The following VSTM1 variants were observed in gnomAD, a reference collection of about 807,000 sequenced individuals.
VSTM1 encodes V-set and transmembrane domain containing 1, also known as V-set and transmembrane domain-containing protein 1.
In VSTM1, 27 loss-of-function variants were observed where a neutral mutation model predicts 33.1. That is an observed-to-expected ratio of 0.82 (90% CI 0.60 to 1.12). VSTM1 has a LOEUF of 1.12. Ranked by LOEUF, VSTM1 falls within the 50% of genes most tolerant of loss-of-function variation. The probability of loss-of-function intolerance (pLI) is 0.00; values close to 1 mark genes in which losing one functional copy is unlikely to be tolerated. For synonymous variants in VSTM1, 115 were observed against 110.3 expected (o/e 1.04, Z -0.27); for missense variants, 304 against 288.9 (o/e 1.05, Z -0.38).
At chr19:54,062,930 A>G (rs649080) in intron 1 of VSTM1, among the ~76,000 whole-genome samples, 144,279 of 152,154 alleles carry the variant, frequency 0.95, 68,557 homozygotes, top group African/African-American at 0.99. Flanking sequence ...TCTATGTAGT[A>G]AAGCCGAGAT....
At chr19:54,058,853 T>A (rs2071243426) in intron 1 of VSTM1, 121 bp from the exon 2 acceptor site, 8 of 421,332 alleles carry the variant, frequency 1.9e-5, no homozygotes, top group Non-Finnish European at 3.2e-5. Context: ...AATGTATATA[T>A]GTATTATATA....
intron 4 of VSTM1, among the ~76,000 whole-genome samples, chr19:54,042,861 CTTT>C (rs565051370): frequency 9.7e-6 from 1 of 103,474 alleles, no homozygotes; most frequent in Non-Finnish European, 2.0e-5. Context: ...TATATACACA[CTTT>C]TTTTTTTTTG....
At chr19:54,053,154 C>T (rs2070937662) in intron 3 of VSTM1, among the ~76,000 whole-genome samples, 1 of 141,252 alleles carries the variant, frequency 7.1e-6, no homozygotes, top group Admixed American at 7.3e-5. Flanking sequence ...TTATGTCCTC[C>T]TTTCTGTGTC....
chr19:54,041,532 ACCT>A (rs1469316745), intron 8 of VSTM1, among the ~76,000 whole-genome samples: 2 of 152,096 alleles, frequency 1.3e-5, no homozygotes, highest in East Asian at 3.9e-4. Flanking sequence ...CGATCTCCTG[ACCT>A]CATGATCCGC....
intron 3 of VSTM1, among the ~76,000 whole-genome samples, chr19:54,051,947 GA>G (rs1423266477): frequency 8.5e-5 from 13 of 152,088 alleles, no homozygotes; most frequent in Admixed American, 2.6e-4. Flanking sequence ...TTTTAGTAGA[GA>G]CAGGGTTTCA....
chr19:54,048,751 G>A (rs72626274), intron 4 of VSTM1, among the ~76,000 whole-genome samples: 9,174 of 152,114 alleles, frequency 0.06, 334 homozygotes, highest in East Asian at 0.11. Context: ...ACCATTACTC[G>A]CTTTAGCCAA....
intron 1 of VSTM1, among the ~76,000 whole-genome samples, chr19:54,060,483 A>T (rs2071341709): frequency 6.6e-6 from 1 of 152,116 alleles, no homozygotes; most frequent in South Asian, 2.1e-4. Context: ...AAGCTTCACC[A>T]CAGAGGAATG....
intron 1 of VSTM1, among the ~76,000 whole-genome samples, chr19:54,060,563 C>G (rs2071344905): frequency 6.6e-6 from 1 of 152,194 alleles, no homozygotes; most frequent in Admixed American, 6.6e-5. Context: ...AGGTAGGAAA[C>G]AGCCTCTGGG....
At chr19:54,059,261 A>G (rs1039630385) in intron 1 of VSTM1, among the ~76,000 whole-genome samples, 8 of 151,966 alleles carry the variant, frequency 5.3e-5, no homozygotes, top group African/African-American at 1.9e-4. Flanking sequence ...GGGTCTCACC[A>G]TGTTGGCCAG....
At chr19:54,058,811 T>C in intron 1 of VSTM1, 79 bp from the exon 2 acceptor site, 1 of 1,045,034 alleles carries the variant, frequency 9.6e-7, no homozygotes, top group Non-Finnish European at 1.5e-6. Flanking sequence ...TATGACTAGC[T>C]CTTTATAGGT....
intron 4 of VSTM1, among the ~76,000 whole-genome samples, chr19:54,045,602 C>T (rs73058801): frequency 0.012 from 1,641 of 140,428 alleles, 17 homozygotes; most frequent in Middle Eastern, 0.05. Flanking sequence ...ATCTATCAAT[C>T]ATAACCAGTT....
At chr19:54,062,157 GAA>G (rs138345845) in intron 1 of VSTM1, among the ~76,000 whole-genome samples, 22 of 146,040 alleles carry the variant, frequency 1.5e-4, no homozygotes, top group East Asian at 6.0e-4. Flanking sequence ...TCCGCCTCAA[GAA>G]AAAAAAAAAA....
chr19:54,054,353 A>T (rs1453397236), intron 3 of VSTM1, among the ~76,000 whole-genome samples: 1 of 142,644 alleles, frequency 7.0e-6, no homozygotes, highest in African/African-American at 2.6e-5. Flanking sequence ...TGGGGAATAC[A>T]ATTTGAAATC....
intron 1 of VSTM1, among the ~76,000 whole-genome samples, chr19:54,060,502 G>A (rs1272069187): frequency 6.6e-6 from 1 of 152,130 alleles, no homozygotes; most frequent in Non-Finnish European, 1.5e-5. Context: ...TGAGGTGGAG[G>A]CCTCACGATG....
At chr19:54,050,512 A>G (rs1427530024) in intron 4 of VSTM1, among the ~76,000 whole-genome samples, 1 of 151,970 alleles carries the variant, frequency 6.6e-6, no homozygotes, top group Non-Finnish European at 1.5e-5. Context: ...CACCCCCATT[A>G]TTCCCCAAAT....
chr19:54,056,209 C>CTTTTT (rs879970929), intron 3 of VSTM1, among the ~76,000 whole-genome samples: 64 of 46,478 alleles, frequency 1.4e-3, no homozygotes, highest in South Asian at 2.1e-3. Flanking sequence ...CTTTTCTTTT[C>CTTTTT]TTTTCTTTTT....
chr19:54,042,380 A>G lies in VSTM1; in HGVS notation c.395-11T>C, dbSNP rs1199133703. The G allele has an allele frequency of 3.7e-6, 6 of 1,612,098 alleles. No individual in the cohort carries two copies. The African/African-American group carries it at 5.3e-5, about 14-fold the overall frequency. ...AGATGGTTCTGGTGTCTGGAGGGGG[A>G]AGAGCAGGTCAGGGAATCAGCCTGG... On this transcript the variant is annotated splice_polypyrimidine_tract_variant and intron_variant, in intron 4 of 8. Transcript: ENST00000338372.
chr19:54,041,933 G>T lies in VSTM1; in HGVS notation c.536C>A (p.Pro179Gln). The T allele has an allele frequency of 6.2e-7, 1 of 1,614,132 alleles. No homozygotes were observed. The highest frequency in any genetic ancestry group is 8.5e-7 in the Non-Finnish European group (1 of 1,180,008). Residue 179 changes from proline to glutamine, a missense_variant, in exon 7 of 9, where the codon CCG becomes CAG. Transcript: ENST00000338372. The stretch of plus-strand genomic sequence containing the variant: ...TCCCTTACCGGCAGCCTCCTGCTCC[G>T]GAAGTTTGGAATGGCTGGTTCTGAA... Reference protein sequence around the residue: ...STKRTSHSKLPEQEAAEADLS... With the variant: ...STKRTSHSKLQEQEAAEADLS...
chr19:54,051,424 G>A lies in VSTM1; in HGVS notation c.380C>T (p.Pro127Leu). 6.3e-7 allele frequency: 1 copy of A among 1,596,878 alleles called. No individual in the cohort carries two copies. Among genetic ancestry groups the A allele is most frequent in the Non-Finnish European group, 8.5e-7 (1 of 1,174,964 alleles). The change falls in exon 4 of 9, where the codon CCC becomes CTC. Residue 127 changes from proline (P) to leucine (L), a missense_variant. By Grantham distance (98) the Pro-to-Leu change is moderately conservative (BLOSUM62 -3). Coordinates refer to ENST00000338372, the MANE Select transcript of VSTM1 (RefSeq NM_198481.4). The part of the protein sequence containing the change: ...VTDKHDELEA[P>L]SMKTDTRTIF... ...AATTATCTTACCTGTTTTCATTGAG[G>A]GAGCTTCAAGTTCATCGTGTTTATC...
Sources: allele counts gnomAD v4.1 joint callset (sites outside exome capture counted in the v4.1 genomes callset), GRCh38; gene constraint gnomAD v4.1.1; transcripts MANE v1.5; gene names NCBI Gene and HGNC (gene_info 2026-07-23, HGNC 2026-07-21).